CPNE8: variants seen among roughly 807,000 people sequenced by gnomAD.
CPNE8 encodes the protein copine 8, also known as copine-8.
A neutral mutation model predicts 81.5 loss-of-function variants in CPNE8; 45 were observed. The ratio of observed to expected loss-of-function variants is 0.55; its 90% CI spans 0.44 to 0.71. The LOEUF (loss-of-function observed/expected upper bound fraction) is 0.71. Ranked by LOEUF, CPNE8 falls within the 30% of genes least tolerant of loss-of-function variation. The pLI, the probability that CPNE8 is intolerant of heterozygous loss-of-function variation, is 0.00. For synonymous variants in CPNE8, 252 were observed against 226.3 expected (o/e 1.11, Z -1.02); for missense variants, 594 against 672.1 (o/e 0.88, Z 1.28).
chr12:38,890,631 G>T (rs1403298003), intron 1 of CPNE8, among the ~76,000 whole-genome samples: 1 of 151,944 alleles, frequency 6.6e-6, no homozygotes, highest in Admixed American at 6.6e-5. Context: ...GCTTCCTCAA[G>T]TGGCCAGGCC....
chr12:38,889,293 G>A lies in CPNE8; in HGVS notation c.99-14782C>T, dbSNP rs1294434687. Among the ~76,000 whole-genome samples the A allele has an allele frequency of 2.6e-5, 4 of 152,114 alleles. No individual in the cohort carries two copies. The East Asian group carries it at 7.7e-4, about 29-fold the overall frequency. On this transcript the variant is annotated intron_variant, in intron 1 of 19. Coordinates refer to ENST00000331366, the MANE Select transcript of CPNE8 (RefSeq NM_153634.3). Reference sequence around the variant, plus strand: ...ACAAATTAGAGAAAGGGAGGGGTGGGCAAGTCAATCTGAAGGATCAGGAAA... The same window carrying A: ...ACAAATTAGAGAAAGGGAGGGGTGGACAAGTCAATCTGAAGGATCAGGAAA...
chr12:38,722,490 A>G (rs1279247450), intron 13 of CPNE8, among the ~76,000 whole-genome samples: 2 of 151,830 alleles, frequency 1.3e-5, no homozygotes, highest in Non-Finnish European at 1.5e-5. Flanking sequence ...TGGTCCCCCC[A>G]CTCCCTCAAC....
chr12:38,796,722 C>T (rs2136944124), intron 6 of CPNE8, among the ~76,000 whole-genome samples: 1 of 152,186 alleles, frequency 6.6e-6, no homozygotes, highest in South Asian at 2.1e-4. Context: ...CGCACCATGT[C>T]CAAGCCAAAG....
intron 6 of CPNE8, among the ~76,000 whole-genome samples, chr12:38,815,968 A>G (rs1385293164): frequency 6.6e-6 from 1 of 152,178 alleles, no homozygotes; most frequent in East Asian, 1.9e-4. Flanking sequence ...TACATACCAC[A>G]TATGTCAAAA....
intron 5 of CPNE8, among the ~76,000 whole-genome samples, chr12:38,832,961 A>C (rs897062395): frequency 6.6e-6 from 1 of 152,170 alleles, no homozygotes; most frequent in African/African-American, 2.4e-5. Flanking sequence ...GATAATACAA[A>C]GTTCTAAATT....
chr12:38,817,780 C>T (rs1215180469), intron 6 of CPNE8, among the ~76,000 whole-genome samples: 1 of 151,946 alleles, frequency 6.6e-6, no homozygotes, highest in East Asian at 1.9e-4. Context: ...CCCACCGCTA[C>T]GCCCGGCTAA....
At chr12:38,792,200 CCCAAAG>C (rs1942342143) in intron 6 of CPNE8, among the ~76,000 whole-genome samples, 2 of 150,962 alleles carry the variant, frequency 1.3e-5, no homozygotes, top group Admixed American at 1.3e-4. Context: ...AAAACCTAAA[CCCAAAG>C]CTAGGAAAAG....
intron 13 of CPNE8, among the ~76,000 whole-genome samples, chr12:38,717,454 TATATAC>T (rs1417700735): frequency 1.0e-4 from 14 of 138,752 alleles, no homozygotes; most frequent in Admixed American, 2.2e-4. Context: ...TATATATATA[TATATAC>T]ACCATGGAAT....
chr12:38,902,320 GAAAGAAAGAAAGAAAGAAA>G (rs1944482012), intron 1 of CPNE8, among the ~76,000 whole-genome samples: 665 of 58,738 alleles, frequency 0.011, 40 homozygotes, highest in Middle Eastern at 0.018. Context: ...AGGAAGGAAA[GAAAGAAAGAAAGAAAGAAA>G]GAAAGAAAGA....
chr12:38,759,841 C>G (rs148825368), intron 10 of CPNE8, among the ~76,000 whole-genome samples: 1 of 152,186 alleles, frequency 6.6e-6, no homozygotes, highest in Non-Finnish European at 1.5e-5. Flanking sequence ...TGTGGCTCTG[C>G]AACTGAGCAA....
chr12:38,864,050 T>G lies in CPNE8; in HGVS notation c.186+8954A>C, dbSNP rs1195543831. ...GCCTGGACGACAGAGCGAGACTTCA[T>G]CTCTCACAAAAAAAAAAAAAAAAGA... is the stretch of plus-strand genomic sequence containing the variant. On this transcript the variant is annotated intron_variant, in intron 3 of 19. Transcript: ENST00000331366. 5.2e-5 allele frequency among the ~76,000 whole-genome samples: 7 copies of G among 133,664 alleles called. No homozygotes were observed. The Admixed American group carries it at 5.4e-4, about 10-fold the overall frequency. 87.7% of individuals were successfully genotyped at this position (133,664 alleles called of 152,430 possible). A position where few individuals can be genotyped will look rare whatever the true frequency, so the allele number is the denominator to read the frequency against.
intron 19 of CPNE8, among the ~76,000 whole-genome samples, chr12:38,655,356 C>G (rs1340031544): frequency 6.6e-6 from 1 of 152,054 alleles, no homozygotes; most frequent in East Asian, 1.9e-4. Context: ...GTTCAATTTT[C>G]CCTTAGGGGC....
chr12:38,723,645 T>C, intron 13 of CPNE8, 127 bp downstream of exon 13: 1 of 695,432 alleles, frequency 1.4e-6, no homozygotes, highest in Non-Finnish European at 2.6e-6. Context: ...GAAACAGAAG[T>C]CTAATAGGCT....
chr12:38,905,447 C>T lies in CPNE8; in HGVS notation c.88G>A (p.Val30Met), dbSNP rs753541229. The T allele has an allele frequency of 1.5e-5, 24 of 1,565,360 alleles. No homozygotes were observed. Among genetic ancestry groups the T allele is most frequent in the Non-Finnish European group, 2.1e-5 (24 of 1,155,174 alleles). Residue 30 changes from valine (V) to methionine (M), a missense_variant, in exon 1 of 20, where the codon GTG (valine) becomes ATG (methionine). Transcript: ENST00000331366. ...GGGCTGCGTCCTCACCTGCAGGACA[C>T]GGACACCTCCACCCGCGTGGCCGGG... ...AIPATRVEVS[V>M]SCRNLLDRDT... is the part of the protein sequence containing the mutation.
chr12:38,752,877 A>G (rs1413674220), intron 10 of CPNE8, among the ~76,000 whole-genome samples: 1 of 152,248 alleles, frequency 6.6e-6, no homozygotes, highest in Non-Finnish European at 1.5e-5. Flanking sequence ...TTTGAACTTG[A>G]TAATTCTCCT....
intron 1 of CPNE8, among the ~76,000 whole-genome samples, chr12:38,890,191 A>C (rs1410844130): frequency 1.3e-5 from 2 of 151,716 alleles, no homozygotes; most frequent in African/African-American, 2.4e-5. Flanking sequence ...TCCTAATTTT[A>C]TAGCTATAGC....
rs898755983 is a variant in CPNE8 at position 38,776,308 on chromosome 12, C to G, written c.408-7G>C. On this transcript the variant is annotated splice_polypyrimidine_tract_variant and splice_region_variant and intron_variant, in intron 6 of 19. Transcript: ENST00000331366. ...TTTCTTCCCTGGAATTCCTCTAAAA[C>G]AACAAAAATATATTTATATACATTA... 1 of 1,381,792 alleles carries G rather than the reference C, an allele frequency of 7.2e-7. No individual in the cohort carries two copies. The highest frequency in any genetic ancestry group is 1.8e-5 in the Admixed American group (1 of 55,040). The allele number at this position is 1,381,792 out of a possible 1,614,324, so 85.6% of individuals were successfully genotyped here. A position where few individuals can be genotyped will look rare whatever the true frequency, so the allele number is the denominator to read the frequency against.
At chr12:38,751,126 T>C (rs1941345981) in intron 10 of CPNE8, among the ~76,000 whole-genome samples, 1 of 152,208 alleles carries the variant, frequency 6.6e-6, no homozygotes. Context: ...CCTTGCCTTT[T>C]GCCATGATTG....
chr12:38,780,909 AAAG>A (rs1565611635), intron 6 of CPNE8, among the ~76,000 whole-genome samples: 2 of 152,136 alleles, frequency 1.3e-5, no homozygotes, highest in South Asian at 4.1e-4. Flanking sequence ...ATGAAAAAAG[AAAG>A]AAGGAGAGAA....
Sources: gnomAD v4.1 joint callset for allele counts (sites outside exome capture counted in the v4.1 genomes callset) on GRCh38, gnomAD v4.1.1 for gene constraint, MANE v1.5 for transcripts, NCBI Gene and HGNC (gene_info 2026-07-23, HGNC 2026-07-21) for gene names.